The following ITGA11 variants were observed in gnomAD, a reference collection of about 807,000 sequenced individuals.
ITGA11 encodes integrin subunit alpha 11, also known as integrin alpha-11.
ITGA11 carries 97 observed loss-of-function variants against 141.9 expected under a neutral mutation model. The observed-to-expected ratio is 0.68, with a 90% CI of 0.58 to 0.81. ITGA11 has a LOEUF of 0.81. Among genes scored for constraint, ITGA11 ranks in the 30% least tolerant of loss-of-function variants. The probability of loss-of-function intolerance (pLI) is 0.00; values close to 1 mark genes in which losing one functional copy is unlikely to be tolerated. For missense variants in ITGA11, 1,387 were observed against 1,559.2 expected (o/e 0.89, Z 1.86); for synonymous variants, 658 against 624.6 (o/e 1.05, Z -0.80).
chr15:68,416,803 C>T (rs1159791624), intron 1 of ITGA11, among the ~76,000 whole-genome samples: 2 of 152,104 alleles, frequency 1.3e-5, no homozygotes, highest in Non-Finnish European at 2.9e-5. Flanking sequence ...GTAATCCCAC[C>T]TACTCGGGAG....
chr15:68,403,541 C>T (rs955218497), intron 1 of ITGA11, among the ~76,000 whole-genome samples: 26 of 152,126 alleles, frequency 1.7e-4, no homozygotes, highest in African/African-American at 6.0e-4. Context: ...TCCCTGAGGC[C>T]CTCATTAGAA....
Position 68,351,375 on chromosome 15 carries a change from C to G in ITGA11, c.777G>C (p.Arg259Ser). The G allele has an allele frequency of 1.2e-6, 2 of 1,613,954 alleles. No individual in the cohort carries two copies. The highest frequency in any genetic ancestry group is 1.7e-6 in the Non-Finnish European group (2 of 1,179,888). Residue 259 changes from arginine to serine, a missense_variant, in exon 8 of 30, where the codon AGG becomes AGC. Arg to Ser is a moderately radical substitution (Grantham distance 110, BLOSUM62 -1). Transcript: ENST00000315757. ...CAATCATCACCTTCTTGGCTCCTTTCCTTCCACCCTTCTGGAAAGCCTCTG... is the reference window on the plus strand; with the variant it reads ...CAATCATCACCTTCTTGGCTCCTTTGCTTCCACCCTTCTGGAAAGCCTCTG... ...ARSEAFQKGG[R>S]KGAKKVMIVI...
intron 10 of ITGA11, among the ~76,000 whole-genome samples, chr15:68,344,604 A>T (rs539528243): frequency 6.6e-6 from 1 of 152,064 alleles, no homozygotes; most frequent in East Asian, 2.0e-4. Context: ...CGGTAATCCC[A>T]TGGGCCTTGA....
rs1893859667 is a variant in ITGA11, at chr15:68,322,989, G to A, written c.2323-1486C>T. On this transcript the variant is annotated intron_variant, in intron 18 of 29. Coordinates refer to ENST00000315757, the MANE Select transcript of ITGA11 (RefSeq NM_001004439.2). This position sits in a 1 kb window ranked among gnomAD's most constrained non-coding sequence, Gnocchi z 5.6. ...TGGATATTCAAGCCTGGAGCTGAGG[G>A]GCAGTAACTGTCACTACCGACAACA... 6.6e-6 allele frequency among the ~76,000 whole-genome samples: 1 copy of A among 152,360 alleles called. No individual in the cohort carries two copies. The highest frequency in any genetic ancestry group is 1.5e-5 in the Non-Finnish European group (1 of 68,038).
At chr15:68,358,046 G>A (rs56144446) in intron 6 of ITGA11, among the ~76,000 whole-genome samples, 1 of 152,090 alleles carries the variant, frequency 6.6e-6, no homozygotes, top group Admixed American at 6.5e-5. Context: ...CTACCTCCGC[G>A]TTAGCCAGGC....
intron 2 of ITGA11, among the ~76,000 whole-genome samples, chr15:68,396,776 A>G (rs1276649688): frequency 2.0e-5 from 3 of 148,076 alleles, no homozygotes; most frequent in African/African-American, 7.4e-5. Flanking sequence ...TGTACTAGTA[A>G]AAAAGATTGA....
chr15:68,357,422 A>C, intron 6 of ITGA11, 123 bp from the exon 7 acceptor site: 1 of 1,198,632 alleles, frequency 8.3e-7, no homozygotes, highest in South Asian at 1.7e-5. Flanking sequence ...AGGAGGGCTG[A>C]GGACCTTTCC....
chr15:68,366,997 T>C (rs1895441851), intron 3 of ITGA11, among the ~76,000 whole-genome samples: 2 of 152,276 alleles, frequency 1.3e-5, no homozygotes, highest in East Asian at 3.9e-4. Context: ...GACTCAGGTT[T>C]CCCAGCCTTG....
chr15:68,402,260 A>T lies in ITGA11; in HGVS notation c.164+658T>A, dbSNP rs75412359. On this transcript the variant is annotated intron_variant, in intron 2 of 29. Transcript: ENST00000315757. ...GTGGGGAGGAGGATGACTAACCGTA[A>T]ATGTGGCGAGAGATCTTACTGGGGT... Among the ~76,000 whole-genome samples the T allele has an allele frequency of 3.7e-3, 568 of 152,200 alleles. 25 individuals carry two copies. The East Asian group carries it at 0.093, about 25-fold the overall frequency.
intron 7 of ITGA11, 152 bp downstream of exon 7, chr15:68,356,992 AACCGACC>A: frequency 1.5e-6 from 1 of 680,416 alleles, no homozygotes; most frequent in Non-Finnish European, 2.4e-6. Context: ...CCCAAGAGAA[AACCGACC>A]AGCTGAGCCC....
intron 2 of ITGA11, among the ~76,000 whole-genome samples, chr15:68,379,357 T>C (rs1399778300): frequency 6.6e-6 from 1 of 152,218 alleles, no homozygotes; most frequent in Non-Finnish European, 1.5e-5. Flanking sequence ...TTATCTCCTC[T>C]AGATAATTTG....
At chr15:68,431,541 C>G (rs1897271021) in intron 1 of ITGA11, among the ~76,000 whole-genome samples, 1 of 152,182 alleles carries the variant, frequency 6.6e-6, no homozygotes, top group Non-Finnish European at 1.5e-5. Context: ...CCGGGGCCGC[C>G]GCGCCCGGCT....
At chr15:68,379,702 C>T (rs1213507067) in intron 2 of ITGA11, among the ~76,000 whole-genome samples, 2 of 152,194 alleles carry the variant, frequency 1.3e-5, no homozygotes, top group Non-Finnish European at 2.9e-5. Flanking sequence ...AACCCCTCTC[C>T]CATCTCTTTG....
At chr15:68,372,600 C>T (rs1189365016) in intron 2 of ITGA11, among the ~76,000 whole-genome samples, 1 of 152,232 alleles carries the variant, frequency 6.6e-6, no homozygotes, top group Admixed American at 6.5e-5. Context: ...CCCTGTAGGA[C>T]CCTTTCCCTG....
rs1043874659 is a variant in ITGA11 at position 68,425,648 on chromosome 15, C to T, written c.52+6367G>A. Among the ~76,000 whole-genome samples, 5 of 152,324 alleles carry T rather than the reference C, an allele frequency of 3.3e-5. No individual in the cohort carries two copies. The East Asian group carries it at 5.8e-4, about 18-fold the overall frequency. The stretch of plus-strand genomic sequence containing the variant: ...TCTGGCCTCACCTGGCCCGGCCTGA[C>T]TGACAGAAGGAACATTGGGAGTGCT... On this transcript the variant is annotated intron_variant, in intron 1 of 29. Coordinates refer to ENST00000315757, the MANE Select transcript of ITGA11 (RefSeq NM_001004439.2).
At chr15:68,356,352 C>T (rs1217701873) in intron 7 of ITGA11, among the ~76,000 whole-genome samples, 1 of 151,894 alleles carries the variant, frequency 6.6e-6, no homozygotes, top group Non-Finnish European at 1.5e-5. Context: ...AATCTGCCCA[C>T]CTTGGCCTCC....
intron 2 of ITGA11, among the ~76,000 whole-genome samples, chr15:68,399,528 T>C (rs1896412820): frequency 6.6e-6 from 1 of 152,134 alleles, no homozygotes; most frequent in Non-Finnish European, 1.5e-5. Flanking sequence ...CACAGCACTA[T>C]TCACAATAGC....
Position 68,322,905 on chromosome 15 carries a change from C to G in ITGA11, c.2323-1402G>C, listed in dbSNP as rs1996361. ...GGGGTTAAGTGAGAAGTTCAGTGTGCGGCATGTTGAGTTTGAAGTGCCTGT... is the reference window on the plus strand; with the variant it reads ...GGGGTTAAGTGAGAAGTTCAGTGTGGGGCATGTTGAGTTTGAAGTGCCTGT... On this transcript the variant is annotated intron_variant, in intron 18 of 29. Coordinates refer to ENST00000315757, the MANE Select transcript of ITGA11 (RefSeq NM_001004439.2). The surrounding 1 kb of genome is among the most constrained non-coding windows in gnomAD (Gnocchi z 5.6). 0.92 allele frequency among the ~76,000 whole-genome samples: 139,567 copies of G among 151,628 alleles called. 64,790 individuals are homozygous for G. The highest frequency in any genetic ancestry group is 0.98 in the East Asian group (5,017 of 5,134).
rs996439895 is a variant in ITGA11 at position 68,307,285 on chromosome 15, C to T, written c.3381+63G>A. ...TGTAGGAAAACTCTATAGAGGAGCA[C>T]GGCCAACCCTTTCCCAAGCTGTCCG... is the stretch of plus-strand genomic sequence containing the variant. On this transcript the variant is annotated intron_variant, in intron 28 of 29. Transcript: ENST00000315757. The surrounding 1 kb of genome is among the most constrained non-coding windows in gnomAD (Gnocchi z 6.1). The T allele has an allele frequency of 9.0e-6, 11 of 1,221,036 alleles. No individual in the cohort carries two copies. Among genetic ancestry groups the T allele is most frequent in the South Asian group, 1.3e-5 (1 of 76,946 alleles). The allele number at this position is 1,221,036 out of a possible 1,614,324, so 75.6% of individuals were successfully genotyped here.
Sources: gnomAD v4.1 joint callset for allele counts (sites outside exome capture counted in the v4.1 genomes callset) on GRCh38, gnomAD v4.1.1 for gene constraint, Gnocchi (gnomAD v3.1) non-coding constraint, MANE v1.5 for transcripts, NCBI Gene and HGNC (gene_info 2026-07-23, HGNC 2026-07-21) for gene names.